DLGAP1: variants seen among roughly 807,000 people sequenced by gnomAD.
DLGAP1 encodes the protein DLG associated protein 1.
DLGAP1 carries 11 observed loss-of-function variants against 90.8 expected under a neutral mutation model. The ratio of observed to expected loss-of-function variants is 0.12; its 90% CI spans 0.08 to 0.20. DLGAP1 has a LOEUF of 0.20. Among genes scored for constraint, DLGAP1 ranks in the 10% least tolerant of loss-of-function variants. The probability of loss-of-function intolerance (pLI) is 1.00; values close to 1 mark genes in which losing one functional copy is unlikely to be tolerated. For synonymous variants in DLGAP1, 558 were observed against 540.7 expected (o/e 1.03, Z -0.44); for missense variants, 1,050 against 1,333.8 (o/e 0.79, Z 3.31).
chr18:3,530,737 G>T (rs1217784055), intron 10 of DLGAP1, among the ~76,000 whole-genome samples: 2 of 152,140 alleles, frequency 1.3e-5, no homozygotes, highest in Non-Finnish European at 2.9e-5. Flanking sequence ...GTGCTTGGGG[G>T]TCAACACTCA....
intron 3 of DLGAP1, among the ~76,000 whole-genome samples, chr18:3,960,805 T>C (rs889992231): frequency 2.6e-5 from 4 of 152,174 alleles, no homozygotes; most frequent in Non-Finnish European, 4.4e-5. Flanking sequence ...GGCCCCCTCT[T>C]GCAGTTGTGG....
rs1421761889 is a variant in DLGAP1, at chr18:4,455,201, TC to T, written c.-463del. 6.6e-6 allele frequency: 1 copy of T among 151,140 alleles called. No individual in the cohort carries two copies. The highest frequency in any genetic ancestry group is 2.0e-4 in the East Asian group (1 of 5,128). 9.4% of individuals were successfully genotyped at this position (151,140 alleles called of 1,614,324 possible). A position where few individuals can be genotyped will look rare whatever the true frequency, so the allele number is the denominator to read the frequency against. ...TGCCGATTCCCCGAGGCGGAAGGTG[TC>T]CGCGAGGCCGTGTCCTGGAGATTGC... On this transcript the variant is annotated 5_prime_UTR_variant, in exon 1 of 13. Coordinates refer to ENST00000315677, the MANE Select transcript of DLGAP1 (RefSeq NM_004746.4).
chr18:4,289,081 G>A (rs1455841047), intron 1 of DLGAP1, among the ~76,000 whole-genome samples: 1 of 152,150 alleles, frequency 6.6e-6, no homozygotes, highest in African/African-American at 2.4e-5. Context: ...CAGGAGTGTT[G>A]TTGGAGATGA....
intron 2 of DLGAP1, among the ~76,000 whole-genome samples, chr18:4,045,378 A>G (rs1183373441): frequency 1.5e-5 from 2 of 136,110 alleles, no homozygotes; most frequent in African/African-American, 5.5e-5. Context: ...TAAGATTTGC[A>G]TTTCTTGGAA....
At chr18:3,693,774 T>C (rs978233418) in intron 7 of DLGAP1, among the ~76,000 whole-genome samples, 2 of 152,176 alleles carry the variant, frequency 1.3e-5, no homozygotes, top group African/African-American at 4.8e-5. Context: ...GGAATCCAGA[T>C]TGGGCTAGGA....
intron 3 of DLGAP1, among the ~76,000 whole-genome samples, chr18:3,998,510 G>A (rs1220389696): frequency 6.6e-6 from 1 of 152,046 alleles, no homozygotes; most frequent in East Asian, 1.9e-4. Context: ...TCTTCAGGGA[G>A]CCTGTGATTC....
chr18:3,714,951 C>T (rs941305657), intron 7 of DLGAP1, among the ~76,000 whole-genome samples: 6 of 151,992 alleles, frequency 3.9e-5, no homozygotes, highest in Non-Finnish European at 5.9e-5. Flanking sequence ...TTTAAAATTC[C>T]GCAGACAACA....
At chr18:4,304,057 T>G (rs888261043) in intron 1 of DLGAP1, among the ~76,000 whole-genome samples, 2 of 152,370 alleles carry the variant, frequency 1.3e-5, no homozygotes, top group South Asian at 4.1e-4. Context: ...TACTTGTGGA[T>G]GCATGGTAGC....
chr18:4,304,046 A>G (rs538219146), intron 1 of DLGAP1, among the ~76,000 whole-genome samples: 42 of 152,364 alleles, frequency 2.8e-4, no homozygotes, highest in African/African-American at 8.7e-4. Context: ...CCTATCAGAC[A>G]TACTTGTGGA....
At chr18:3,877,187 C>T (rs982373604) in intron 4 of DLGAP1, among the ~76,000 whole-genome samples, 1 of 152,188 alleles carries the variant, frequency 6.6e-6, no homozygotes, top group Non-Finnish European at 1.5e-5. Flanking sequence ...TTTGCTATAG[C>T]ATCTGGTATA....
chr18:3,704,003 T>A (rs2061361160), intron 7 of DLGAP1, among the ~76,000 whole-genome samples: 1 of 152,164 alleles, frequency 6.6e-6, no homozygotes, highest in Admixed American at 6.5e-5. Flanking sequence ...TTGGGAACAT[T>A]AGGGCTGCTT....
intron 1 of DLGAP1, among the ~76,000 whole-genome samples, chr18:4,371,171 A>G (rs971457859): frequency 2.0e-5 from 3 of 152,252 alleles, no homozygotes; most frequent in Admixed American, 6.5e-5. Flanking sequence ...ATAAGTGTAC[A>G]TAAGACTGCC....
intron 7 of DLGAP1, chr18:3,655,915 G>C: frequency 1.6e-6 from 1 of 636,740 alleles, no homozygotes; most frequent in East Asian, 2.9e-5. Flanking sequence ...AGGGCTGAGA[G>C]CTTTGCAGCA....
At chr18:3,957,549 T>C (rs1318943864) in intron 3 of DLGAP1, among the ~76,000 whole-genome samples, 1 of 152,248 alleles carries the variant, frequency 6.6e-6, no homozygotes, top group South Asian at 2.1e-4. Flanking sequence ...GTATCTTAGA[T>C]ATTTTTAAAA....
intron 2 of DLGAP1, among the ~76,000 whole-genome samples, chr18:4,133,279 A>G: frequency 6.6e-6 from 1 of 152,174 alleles, no homozygotes; most frequent in Non-Finnish European, 1.5e-5. Flanking sequence ...AGGGCTCATG[A>G]GTGCCAACGA....
chr18:3,506,957 G>C (rs576671518), intron 11 of DLGAP1, among the ~76,000 whole-genome samples: 29 of 151,986 alleles, frequency 1.9e-4, no homozygotes, highest in South Asian at 6.3e-4. Context: ...ATAAATTTCT[G>C]AAAAATTGGA....
In DLGAP1 at chr18:4,299,098, A is replaced by AC. The variant is rs1352620340; in HGVS notation, c.-266-147812_-266-147811insG. On this transcript the variant is annotated intron_variant, in intron 1 of 12. Transcript: ENST00000315677. Reference sequence around the variant, plus strand: ...TCTGTCTCAAGACAAAAAAAAAAAAAAAAAAAAAAAAATAGAAGCAAATTC... The same window carrying AC: ...TCTGTCTCAAGACAAAAAAAAAAAAACAAAAAAAAAAAATAGAAGCAAATTC... 1.6e-3 allele frequency among the ~76,000 whole-genome samples: 249 copies of AC among 151,522 alleles called. 3 individuals are homozygous for AC. Among genetic ancestry groups the AC allele is most frequent in the African/African-American group, 5.8e-3 (238 of 41,286 alleles).
Position 3,951,517 on chromosome 18 carries a change from T to C in DLGAP1, c.-73+53599A>G, listed in dbSNP as rs1249637738. Among the ~76,000 whole-genome samples the C allele has an allele frequency of 6.6e-5, 10 of 152,370 alleles. No individual in the cohort carries two copies. In the East Asian group the frequency reaches 1.9e-3, roughly 29 times the overall value. ...GTCCAGCTCTTCAGCTGAATTTAAT[T>C]TCAAATGTATCCACTAAATTTTTTT... On this transcript the variant is annotated intron_variant, in intron 3 of 12. Transcript: ENST00000315677.
chr18:3,970,936 T>C (rs1276206267), intron 3 of DLGAP1, among the ~76,000 whole-genome samples: 1 of 152,166 alleles, frequency 6.6e-6, no homozygotes, highest in Non-Finnish European at 1.5e-5. Context: ...CCCTTGTCTC[T>C]GGGCTAGGTA....
Sources: gnomAD v4.1 joint callset for allele counts (sites outside exome capture counted in the v4.1 genomes callset) on GRCh38, gnomAD v4.1.1 for gene constraint, MANE v1.5 for transcripts, NCBI Gene and HGNC (gene_info 2026-07-23, HGNC 2026-07-21) for gene names.